SLC35F3: variants seen among roughly 807,000 people sequenced by gnomAD.
SLC35F3 encodes the protein putative thiamine transporter SLC35F3.
A neutral mutation model predicts 49.9 loss-of-function variants in SLC35F3; 25 were observed. That is an observed-to-expected ratio of 0.50 (90% confidence interval 0.37 to 0.70). The LOEUF is 0.70. Ranked by LOEUF, SLC35F3 falls within the 30% of genes least tolerant of loss-of-function variation. The pLI is 0.00. For missense variants in SLC35F3, 525 were observed against 639.8 expected, an observed-to-expected ratio of 0.82 and a Z score of 1.94; for synonymous variants, 275 against 265.4, an observed-to-expected ratio of 1.04 and a Z score of -0.35.
chr1:233,956,020 T>C (rs1004698776), intron 2 of SLC35F3, among the ~76,000 whole-genome samples: 5 of 151,276 alleles, frequency 3.3e-5, no homozygotes, highest in Admixed American at 6.6e-5. Flanking sequence ...CTCGAGTAGC[T>C]GGCATTATAG....
chr1:234,233,327 C>T lies in SLC35F3; in HGVS notation c.608+1586C>T, dbSNP rs562087859. On this transcript the variant is annotated intron_variant, in intron 3 of 7. Coordinates refer to ENST00000366618, the MANE Select transcript of SLC35F3 (RefSeq NM_173508.4). The stretch of plus-strand genomic sequence containing the variant: ...TAGGATGGTATGCTACTGCCTCTAA[C>T]GAAATGCTCAAAGTGAGCTTATATG... Among the ~76,000 whole-genome samples, 10 of 152,364 alleles carry T rather than the reference C, an allele frequency of 6.6e-5. 1 individual carries two copies. Among genetic ancestry groups the T allele is most frequent in the African/African-American group, 2.2e-4 (9 of 41,584 alleles).
rs188310933 is a variant in SLC35F3, at chr1:234,055,526, A to T, written c.283+149768A>T. Among the ~76,000 whole-genome samples, 394 of 152,252 alleles carry T rather than the reference A, an allele frequency of 2.6e-3. 2 individuals carry two copies. The highest frequency in any genetic ancestry group is 6.8e-3 in the Middle Eastern group (2 of 294). On this transcript the variant is annotated intron_variant, in intron 2 of 7. Transcript: ENST00000366618. ...TGGAAAAGCGCAGGATTAGGGTGGG[A>T]GTTTCCCGATTTTCCTGGTACCGTC...
At chr1:234,226,854 G>A (rs1667292684) in intron 2 of SLC35F3, among the ~76,000 whole-genome samples, 1 of 152,066 alleles carries the variant, frequency 6.6e-6, no homozygotes, top group African/African-American at 2.4e-5. Context: ...ACTAAGACAG[G>A]GCTAAAATGG....
intron 2 of SLC35F3, among the ~76,000 whole-genome samples, chr1:234,025,883 A>G (rs1356371044): frequency 2.0e-5 from 3 of 151,886 alleles, no homozygotes; most frequent in African/African-American, 4.8e-5. Flanking sequence ...TATTTGCCAA[A>G]TTGATGTCCA....
At chr1:234,030,388 G>A (rs1664044174) in intron 2 of SLC35F3, among the ~76,000 whole-genome samples, 1 of 152,160 alleles carries the variant, frequency 6.6e-6, no homozygotes, top group Non-Finnish European at 1.5e-5. Context: ...GGTGCTCACA[G>A]CTCATTCAGT....
chr1:234,098,318 G>T (rs1419758597), intron 2 of SLC35F3, among the ~76,000 whole-genome samples: 1 of 150,096 alleles, frequency 6.7e-6, no homozygotes, highest in African/African-American at 2.5e-5. Context: ...ATAGGGTGAT[G>T]ATGGAGGTGG....
intron 2 of SLC35F3, among the ~76,000 whole-genome samples, chr1:234,019,036 C>T (rs1452863931): frequency 6.6e-6 from 1 of 152,184 alleles, no homozygotes; most frequent in Non-Finnish European, 1.5e-5. Context: ...CCAACCTGAC[C>T]AGGTGGAAGC....
At chr1:234,070,441 C>T (rs566533621) in intron 2 of SLC35F3, among the ~76,000 whole-genome samples, 19 of 152,264 alleles carry the variant, frequency 1.2e-4, no homozygotes, top group Non-Finnish European at 1.5e-4. Flanking sequence ...TTTATTTATG[C>T]GTATACCAAC....
chr1:234,061,119 G>T (rs550081263), intron 2 of SLC35F3, among the ~76,000 whole-genome samples: 1 of 152,140 alleles, frequency 6.6e-6, no homozygotes, highest in African/African-American at 2.4e-5. Flanking sequence ...TCAGCCTGAA[G>T]AATTTATTTT....
At chr1:234,044,746 T>A (rs1014225132) in intron 2 of SLC35F3, among the ~76,000 whole-genome samples, 2 of 152,242 alleles carry the variant, frequency 1.3e-5, no homozygotes, top group Non-Finnish European at 2.9e-5. Context: ...GCATTTCCTT[T>A]GCCAATTTTT....
intron 2 of SLC35F3, among the ~76,000 whole-genome samples, chr1:234,059,610 CATAGACTAGACATAGACATAGACA>C (rs1267175370): frequency 1.4e-5 from 2 of 145,642 alleles, no homozygotes; most frequent in Admixed American, 1.4e-4. Flanking sequence ...GAGACATAGA[CATAGACTAGACATAGACATAGACA>C]TAGACATAGA....
At chr1:233,938,239 A>G (rs1355416412) in intron 2 of SLC35F3, among the ~76,000 whole-genome samples, 1 of 152,222 alleles carries the variant, frequency 6.6e-6, no homozygotes, top group African/African-American at 2.4e-5. Flanking sequence ...AGAATACAAT[A>G]AAGCTCATCC....
chr1:234,260,274 C>T (rs1485234494), intron 3 of SLC35F3, among the ~76,000 whole-genome samples: 1 of 152,178 alleles, frequency 6.6e-6, no homozygotes, highest in African/African-American at 2.4e-5. Flanking sequence ...AGACATTCTG[C>T]ACTTCGTGAA....
intron 2 of SLC35F3, among the ~76,000 whole-genome samples, chr1:234,081,899 G>A (rs1664881757): frequency 9.2e-6 from 1 of 108,984 alleles, no homozygotes; most frequent in African/African-American, 3.9e-5. Context: ...CACCATGCCT[G>A]GCTAATTTTT....
At chr1:233,908,536 C>CTTTTTTT (rs898041195) in intron 2 of SLC35F3, among the ~76,000 whole-genome samples, 11 of 84,880 alleles carry the variant, frequency 1.3e-4, no homozygotes, top group South Asian at 4.6e-4. Context: ...GTAAAGGATT[C>CTTTTTTT]TTTTTTTTTT....
At chr1:234,267,381 A>T (rs374914876) in intron 3 of SLC35F3, among the ~76,000 whole-genome samples, 17,269 of 139,598 alleles carry the variant, frequency 0.12, 443 homozygotes, top group Non-Finnish European at 0.16. Flanking sequence ...CCCATCCCCA[A>T]TGAGCCGCTG....
At chr1:233,959,994 C>G (rs1175835996) in intron 2 of SLC35F3, among the ~76,000 whole-genome samples, 1 of 152,166 alleles carries the variant, frequency 6.6e-6, no homozygotes, top group Admixed American at 6.5e-5. Flanking sequence ...GACATACTTG[C>G]CACAGTGTGT....
At chr1:234,252,211 A>G (rs373003486) in intron 3 of SLC35F3, among the ~76,000 whole-genome samples, 50 of 152,174 alleles carry the variant, frequency 3.3e-4, no homozygotes, top group African/African-American at 1.2e-3. Context: ...TTGGGATTAT[A>G]GGCCCACACC....
At chr1:234,186,190 AT>A (rs746363630) in intron 2 of SLC35F3, among the ~76,000 whole-genome samples, 7 of 152,206 alleles carry the variant, frequency 4.6e-5, no homozygotes, top group Non-Finnish European at 8.8e-5. Context: ...TTGCATTAAT[AT>A]CCCTGGCACC....
Sources: gnomAD v4.1 joint callset for allele counts (sites outside exome capture counted in the v4.1 genomes callset) on GRCh38, gnomAD v4.1.1 for gene constraint, MANE v1.5 for transcripts, NCBI Gene and HGNC (gene_info 2026-07-23, HGNC 2026-07-21) for gene names.